Variants in CDK17 observed in about 807,000 individuals in gnomAD.
The protein encoded by CDK17 is cyclin-dependent kinase 17.
CDK17 carries 24 observed loss-of-function variants against 77.6 expected under a neutral mutation model. The ratio of observed to expected loss-of-function variants is 0.31; its 90% CI spans 0.22 to 0.44. The LOEUF is 0.44. Among genes scored for constraint, CDK17 ranks in the 20% least tolerant of loss-of-function variants. The pLI is 1.00. For missense variants in CDK17, 429 were observed against 622.5 expected (o/e 0.69, Z 3.31); for synonymous variants, 203 against 210.4 (o/e 0.96, Z 0.30).
At chr12:96,393,022 A>T (rs994426145) in intron 1 of CDK17, among the ~76,000 whole-genome samples, 1 of 152,232 alleles carries the variant, frequency 6.6e-6, no homozygotes, top group African/African-American at 2.4e-5. Flanking sequence ...GAGTTAATTG[A>T]AAAATTAAAT....
rs1437935554 is a variant in CDK17, at chr12:96,324,027, G to A, written c.204C>T (p.Pro68=). 6.2e-7 allele frequency: 1 copy of A among 1,612,242 alleles called. No individual in the cohort carries two copies. Among genetic ancestry groups the A allele is most frequent in the African/African-American group, 1.3e-5 (1 of 74,880 alleles). ...LHQYTGSFKK[P]PLRRPHSVIG... ...TAACACTGTGTGGTCTCCGCAATGG[G>A]GGCTTCTTGAAAGATCCTGTGTACT... is the stretch of plus-strand genomic sequence containing the variant. The change falls in exon 3 of 17, where the codon CCC becomes CCT. Residue 68 remains proline (P), a synonymous_variant. Coordinates refer to ENST00000261211, the MANE Select transcript of CDK17 (RefSeq NM_002595.5).
chr12:96,318,003 C>G (rs1393455347), intron 3 of CDK17, among the ~76,000 whole-genome samples: 1 of 151,904 alleles, frequency 6.6e-6, no homozygotes, highest in Non-Finnish European at 1.5e-5. Flanking sequence ...CACAGACTGG[C>G]AAGTTGGATA....
intron 1 of CDK17, among the ~76,000 whole-genome samples, chr12:96,381,162 C>T (rs758702584): frequency 1.3e-5 from 2 of 152,128 alleles, no homozygotes; most frequent in Non-Finnish European, 2.9e-5. Flanking sequence ...GCTCTCTAAG[C>T]CTTCTGAGGA....
At chr12:96,310,958 T>G (rs1410642584) in intron 5 of CDK17, 94 bp downstream of exon 5, 2 of 1,301,412 alleles carry the variant, frequency 1.5e-6, no homozygotes, top group Non-Finnish European at 2.1e-6. Flanking sequence ...TATTCTAAAG[T>G]CAAGTATAAA....
intron 1 of CDK17, among the ~76,000 whole-genome samples, chr12:96,351,041 C>T (rs920336047): frequency 2.0e-5 from 3 of 152,086 alleles, no homozygotes; most frequent in Admixed American, 6.6e-5. Flanking sequence ...GAATGTACAT[C>T]GCACCAAAGA....
chr12:96,390,708 C>CAAA (rs71097285), intron 1 of CDK17, among the ~76,000 whole-genome samples: 5 of 43,484 alleles, frequency 1.1e-4, no homozygotes, highest in Non-Finnish European at 2.2e-4. Flanking sequence ...GACTCCATCT[C>CAAA]AAAAAAAAAA....
intron 2 of CDK17, among the ~76,000 whole-genome samples, chr12:96,331,698 G>C (rs1447060522): frequency 6.6e-6 from 1 of 152,174 alleles, no homozygotes; most frequent in Non-Finnish European, 1.5e-5. Context: ...ATGCATGAGT[G>C]AGATTATGGG....
intron 10 of CDK17, among the ~76,000 whole-genome samples, chr12:96,294,447 G>A (rs1215129987): frequency 2.0e-5 from 3 of 151,866 alleles, no homozygotes; most frequent in African/African-American, 7.3e-5. Context: ...GCCAGGCATG[G>A]TGGCGCATGC....
Position 96,323,971 on chromosome 12 carries a change from A to T in CDK17, c.260T>A (p.Met87Lys), listed in dbSNP as rs1952858625. ...ACCTAATCTGCTTCCATTTCTGGGC[A>T]TTGCCATGAAGGAGCCAAGGCTCCC... is the stretch of plus-strand genomic sequence containing the variant. ...IGGSLGSFMAMPRNGSRLDIV... is the reference protein window; with the variant it reads ...IGGSLGSFMAKPRNGSRLDIV... The change falls in exon 3 of 17, where the codon ATG (methionine) becomes AAG (lysine). Residue 87 changes from methionine (M) to lysine (K), a missense_variant. By Grantham distance (95) the Met-to-Lys change is moderately conservative. Around this residue, in one of 4 missense-constraint regions of CDK17, gnomAD observed 262 missense variants for 385.4 expected, o/e 0.68. Transcript: ENST00000261211. The T allele has an allele frequency of 6.3e-7, 1 of 1,598,226 alleles. No individual in the cohort carries two copies. The highest frequency in any genetic ancestry group is 8.5e-7 in the Non-Finnish European group (1 of 1,173,108).
intron 1 of CDK17, among the ~76,000 whole-genome samples, chr12:96,352,869 G>GA (rs2137174509): frequency 6.6e-6 from 1 of 152,274 alleles, no homozygotes; most frequent in African/African-American, 2.4e-5. Flanking sequence ...TAAAGTATTA[G>GA]AGTTTATGAA....
At chr12:96,348,523 C>CAAAAAAAAAAAAAAAAAA (rs35363324) in intron 1 of CDK17, among the ~76,000 whole-genome samples, 161 of 66,326 alleles carry the variant, frequency 2.4e-3, no homozygotes, top group Non-Finnish European at 3.1e-3. Flanking sequence ...GACTCTGTCT[C>CAAAAAAAAAAAAAAAAAA]AAAAAAAAAA....
intron 1 of CDK17, among the ~76,000 whole-genome samples, chr12:96,378,052 A>G (rs1252798606): frequency 2.0e-5 from 3 of 152,192 alleles, no homozygotes; most frequent in Admixed American, 6.5e-5. Context: ...GAAAAATAGT[A>G]AAGAGTTCCC....
chr12:96,340,671 G>A (rs766396473), intron 1 of CDK17, among the ~76,000 whole-genome samples: 22 of 152,140 alleles, frequency 1.4e-4, no homozygotes, highest in Non-Finnish European at 2.6e-4. Flanking sequence ...CACCTTTTGT[G>A]ACATAAAAAC....
At position 96,367,737 on chromosome 12, in the gene CDK17, C is replaced by T. The variant is rs1290425101; in HGVS notation, c.-30+32249G>A. ...TCAGTAAAACTTTTATATTAATGAG[C>T]TGGGCACAGTGGCTCATTCCTATAA... On this transcript the variant is annotated intron_variant, in intron 1 of 16. Transcript: ENST00000261211. Among the ~76,000 whole-genome samples the T allele has an allele frequency of 3.3e-5, 5 of 151,834 alleles. No homozygotes were observed. The South Asian group carries it at 6.2e-4, about 19-fold the overall frequency.
chr12:96,357,476 G>A (rs982052533), intron 1 of CDK17, among the ~76,000 whole-genome samples: 6 of 152,038 alleles, frequency 3.9e-5, no homozygotes, highest in Non-Finnish European at 7.4e-5. Flanking sequence ...AACGAAAACA[G>A]GAGAGACGAG....
At chr12:96,382,346 A>C (rs1432906198) in intron 1 of CDK17, among the ~76,000 whole-genome samples, 1 of 141,558 alleles carries the variant, frequency 7.1e-6, no homozygotes, top group Non-Finnish European at 1.5e-5. Context: ...TCCAAAACTG[A>C]ATCAGTAATT....
intron 3 of CDK17, among the ~76,000 whole-genome samples, chr12:96,321,823 G>A (rs1406269038): frequency 1.7e-5 from 2 of 115,784 alleles, no homozygotes; most frequent in South Asian, 3.5e-4. Context: ...GTGGGGGGAG[G>A]GGGGAGGGAT....
intron 6 of CDK17, among the ~76,000 whole-genome samples, chr12:96,299,898 C>T (rs1157245381): frequency 1.3e-5 from 2 of 152,046 alleles, no homozygotes; most frequent in Non-Finnish European, 2.9e-5. Flanking sequence ...TTCAAGAAAA[C>T]CAAGATCTTA....
rs1207031539 is a variant in CDK17 at position 96,400,069 on chromosome 12, G to A, written c.-113C>T. 1 of 389,498 alleles carries A rather than the reference G, an allele frequency of 2.6e-6. No individual in the cohort carries two copies. Among genetic ancestry groups the A allele is most frequent in the African/African-American group, 2.1e-5 (1 of 48,182 alleles). 24.1% of individuals were successfully genotyped at this position (389,498 alleles called of 1,614,324 possible). On this transcript the variant is annotated 5_prime_UTR_variant, in exon 1 of 17. Coordinates refer to ENST00000261211, the MANE Select transcript of CDK17 (RefSeq NM_002595.5). ...TGCTCCGCGGACGCCCGCGGCGACC[G>A]GATGCAAGTCCGGGTCTCAGCGGCC...
Sources: allele counts gnomAD v4.1 joint callset (sites outside exome capture counted in the v4.1 genomes callset), GRCh38; gene constraint gnomAD v4.1.1; regional missense constraint gnomAD v4.1.1; transcripts MANE v1.5; gene names NCBI Gene and HGNC (gene_info 2026-07-23, HGNC 2026-07-21).